Variants in TDRD12 observed in about 807,000 individuals in gnomAD.
TDRD12 encodes tudor domain containing 12.
In TDRD12, 158 loss-of-function variants were observed where a neutral mutation model predicts 133.5. That is an observed-to-expected ratio of 1.18 (90% CI 1.04 to 1.35). The LOEUF (loss-of-function observed/expected upper bound fraction) is 1.35, where lower values mean the gene tolerates loss of function less well. Among genes scored for constraint, TDRD12 ranks in the 40% most tolerant of loss-of-function variants. The pLI is 0.00. For missense variants in TDRD12, 1,443 were observed against 1,321.3 expected, an observed-to-expected ratio of 1.09 and a Z score of -1.43; for synonymous variants, 460 against 477.9, an observed-to-expected ratio of 0.96 and a Z score of 0.49.
At chr19:32,827,011 G>A (rs1967613998) in intron 9 of TDRD12, among the ~76,000 whole-genome samples, 153 bp from the exon 33 acceptor site, 1 of 152,088 alleles carries the variant, frequency 6.6e-6, no homozygotes, top group Non-Finnish European at 1.5e-5. Context: ...AGACCAATTT[G>A]ACCTGCTCAT....
At chr19:32,730,796 A>G (rs781466667) in intron 1 of TDRD12, among the ~76,000 whole-genome samples, 1 of 152,172 alleles carries the variant, frequency 6.6e-6, no homozygotes, top group Non-Finnish European at 1.5e-5. Context: ...TGGGCGAATC[A>G]CCTGAAGTCA....
At chr19:32,819,846 G>A (rs1243742369) in intron 27 of TDRD12, among the ~76,000 whole-genome samples, 3 of 152,174 alleles carry the variant, frequency 2.0e-5, no homozygotes, top group Non-Finnish European at 4.4e-5. Context: ...CCTGGTGCCT[G>A]GGGAATGCTG....
intron 26 of TDRD12, among the ~76,000 whole-genome samples, 165 bp downstream of exon 26, chr19:32,815,785 G>T (rs1232182320): frequency 6.6e-6 from 1 of 152,182 alleles, no homozygotes; most frequent in African/African-American, 2.4e-5. Flanking sequence ...CACGAGGTCA[G>T]GAGATCAAGA....
chr19:32,740,863 A>G (rs1046258202), intron 3 of TDRD12, among the ~76,000 whole-genome samples: 3 of 152,224 alleles, frequency 2.0e-5, no homozygotes, highest in Non-Finnish European at 4.4e-5. Context: ...AGCTGTTGCC[A>G]AGATGGTGCT....
At chr19:32,730,621 G>A (rs549170214) in intron 1 of TDRD12, among the ~76,000 whole-genome samples, 1 of 152,070 alleles carries the variant, frequency 6.6e-6, no homozygotes, top group South Asian at 2.1e-4. Flanking sequence ...AATACTAGTG[G>A]GAATACCTGT....
intron 14 of TDRD12, among the ~76,000 whole-genome samples, chr19:32,795,684 G>C (rs1971204395): frequency 6.6e-6 from 1 of 152,156 alleles, no homozygotes; most frequent in African/African-American, 2.4e-5. Context: ...AATACCTGAG[G>C]CTGGGTAATT....
At chr19:32,825,844 C>G (rs1002646669), downstream of TDRD12, among the ~76,000 whole-genome samples, 2 of 152,156 alleles carry the variant, frequency 1.3e-5, no homozygotes, top group African/African-American at 4.8e-5. The surrounding 1 kb of genome is among the most constrained non-coding windows in gnomAD (Gnocchi z 4.1). Context: ...CATACCATTG[C>G]ACTCCAGCCT....
chr19:32,818,418 G>A (rs1307038204), intron 27 of TDRD12, among the ~76,000 whole-genome samples: 1 of 152,186 alleles, frequency 6.6e-6, no homozygotes, highest in Admixed American at 6.5e-5. Context: ...GCCATGAGGG[G>A]GTTTTGAGCA....
At chr19:32,737,899 G>A (rs1163394011) in intron 2 of TDRD12, among the ~76,000 whole-genome samples, 9 of 152,176 alleles carry the variant, frequency 5.9e-5, no homozygotes, top group East Asian at 3.9e-4. Context: ...TTGGGAGGCC[G>A]AGGCGGGTGG....
rs397860060 is a variant in TDRD12 at position 32,805,729 on chromosome 19, CTT to C, written c.2553-1801_2553-1800del. Among the ~76,000 whole-genome samples, 1,045 of 118,814 alleles carry C rather than the reference CTT, an allele frequency of 8.8e-3. 16 individuals carry two copies. In the East Asian group the frequency reaches 0.095, roughly 11 times the overall value. 77.9% of individuals were successfully genotyped at this position (118,814 alleles called of 152,430 possible). A position where few individuals can be genotyped will look rare whatever the true frequency, so the allele number is the denominator to read the frequency against. On this transcript the variant is annotated intron_variant, in intron 21 of 27. Transcript: ENST00000444215. The stretch of plus-strand genomic sequence containing the variant: ...TCCACATACACTTTATTTTTTTTAT[CTT>C]TTTTTTTTTTTTTTTTTTGAGATGG...
intron 11 of TDRD12, among the ~76,000 whole-genome samples, chr19:32,785,467 C>G (rs1442687505): frequency 1.3e-5 from 2 of 152,102 alleles, no homozygotes; most frequent in African/African-American, 2.4e-5. Context: ...CTGTAGATGT[C>G]TATTAGGTCT....
chr19:32,790,118 C>T (rs1971025735), intron 11 of TDRD12, among the ~76,000 whole-genome samples: 1 of 152,184 alleles, frequency 6.6e-6, no homozygotes, highest in African/African-American at 2.4e-5. Flanking sequence ...CATGTCTGTG[C>T]CTTGTGACTT....
intron 8 of TDRD12, among the ~76,000 whole-genome samples, chr19:32,769,522 T>A (rs898085708): frequency 2.0e-5 from 3 of 152,140 alleles, no homozygotes; most frequent in African/African-American, 7.2e-5. Context: ...GAGTTTCAAG[T>A]TTTTGGATCT....
intron 4 of TDRD12, among the ~76,000 whole-genome samples, chr19:32,745,596 G>A (rs1245210612): frequency 7.9e-5 from 12 of 152,144 alleles, no homozygotes; most frequent in Non-Finnish European, 1.6e-4. Flanking sequence ...GCTGTCACAT[G>A]TATTCATGTG....
At chr19:32,809,986 C>T (rs1966943734) in intron 22 of TDRD12, 107 bp from the exon 23 acceptor site, 3 of 681,128 alleles carry the variant, frequency 4.4e-6, no homozygotes, top group Non-Finnish European at 6.4e-6. Context: ...CGTTGCTAAG[C>T]TTTGGTTTCT....
chr19:32,786,857 G>A (rs935443470), intron 11 of TDRD12, among the ~76,000 whole-genome samples: 1 of 152,076 alleles, frequency 6.6e-6, no homozygotes, highest in East Asian at 1.9e-4. Context: ...GCTTCCTTAC[G>A]ATGGGTTAGA....
At position 32,803,606 on chromosome 19, in the gene TDRD12, T is replaced by C. The variant is rs1171819639; in HGVS notation, c.2552+464T>C. ...TCTTTTGTGGAAATGTGTACGCATT[T>C]CTCTTGGGTAGACGCTCCAGAGGGC... is the stretch of plus-strand genomic sequence containing the variant. On this transcript the variant is annotated intron_variant, in intron 21 of 27. Coordinates refer to ENST00000444215, the Ensembl canonical transcript of TDRD12. Among the ~76,000 whole-genome samples the C allele has an allele frequency of 2.0e-5, 3 of 152,262 alleles. No individual in the cohort carries two copies. The East Asian group carries it at 5.8e-4, about 29-fold the overall frequency.
intron 11 of TDRD12, among the ~76,000 whole-genome samples, chr19:32,777,777 T>TTGG (rs370557305): frequency 0.11 from 13,872 of 128,432 alleles, 998 homozygotes; most frequent in Middle Eastern, 0.19. Context: ...CCCAAGTAGC[T>TTGG]GGGACCATAG....
At chr19:32,801,612 T>A (rs1164108730) in intron 18 of TDRD12, 144 bp from the exon 19 acceptor site, 3 of 384,540 alleles carry the variant, frequency 7.8e-6, no homozygotes, top group African/African-American at 6.2e-5. Flanking sequence ...TTTATAATCA[T>A]CTCATTCTTA....
Sources: allele counts gnomAD v4.1 joint callset (sites outside exome capture counted in the v4.1 genomes callset), GRCh38; gene constraint gnomAD v4.1.1; non-coding constraint Gnocchi (gnomAD v3.1); transcripts MANE v1.5; gene names NCBI Gene and HGNC (gene_info 2026-07-23, HGNC 2026-07-21).